NUP54: variants seen among roughly 807,000 people sequenced by gnomAD.
The protein encoded by NUP54 is nucleoporin 54.
In NUP54, 27 loss-of-function variants were observed where a neutral mutation model predicts 66.4. The observed-to-expected ratio is 0.41, with a 90% CI of 0.30 to 0.56. NUP54 has a LOEUF of 0.56. Among genes scored for constraint, NUP54 ranks in the 20% least tolerant of loss-of-function variants. The pLI is 0.34. For synonymous variants in NUP54, 206 were observed against 210.7 expected, an observed-to-expected ratio of 0.98 and a Z score of 0.19; for missense variants, 486 against 596.3, an observed-to-expected ratio of 0.82 and a Z score of 1.93.
chr4:76,139,183 T>C (rs950554629), intron 3 of NUP54, among the ~76,000 whole-genome samples: 1 of 152,132 alleles, frequency 6.6e-6, no homozygotes, highest in Admixed American at 6.5e-5. Context: ...ATTTTGCAAC[T>C]CCTAATAAGA....
rs1468304635 is a variant in NUP54 at position 76,124,168 on chromosome 4, T to A, written c.1164+481A>T. Among the ~76,000 whole-genome samples the A allele has an allele frequency of 2.6e-5, 4 of 152,214 alleles. No homozygotes were observed. The East Asian group carries it at 7.7e-4, about 29-fold the overall frequency. On this transcript the variant is annotated intron_variant, in intron 9 of 11. Coordinates refer to ENST00000264883, the MANE Select transcript of NUP54 (RefSeq NM_017426.4). Reference sequence around the variant, plus strand: ...TCCTCTGAGTACAGATTTTGCTGTTTCCCACTGGTTCTGGTATGTAATATT... The same window carrying A: ...TCCTCTGAGTACAGATTTTGCTGTTACCCACTGGTTCTGGTATGTAATATT...
chr4:76,124,276 G>A (rs1416957561), intron 9 of NUP54, among the ~76,000 whole-genome samples: 3 of 151,498 alleles, frequency 2.0e-5, no homozygotes, highest in East Asian at 1.9e-4. Context: ...ATTGTTTTTC[G>A]ACCATTATGG....
rs753401196 is a variant in NUP54 at position 76,148,292 on chromosome 4, TA to T, written c.67+15del. 11 of 1,472,508 alleles carry T rather than the reference TA, an allele frequency of 7.5e-6. No homozygotes were observed. In the African/African-American group the frequency reaches 1.6e-4, roughly 21 times the overall value. The allele number at this position is 1,472,508 out of a possible 1,614,324, so 91.2% of individuals were successfully genotyped here. On this transcript the variant is annotated intron_variant, in intron 1 of 11. Coordinates refer to ENST00000264883, the MANE Select transcript of NUP54 (RefSeq NM_017426.4). ...TTCCCCTTCTTCCCGGGTGAAGGTCTAGGGGGATCACTCACCCGCGGGGGCC... is the reference window on the plus strand; with the variant it reads ...TTCCCCTTCTTCCCGGGTGAAGGTCTGGGGGATCACTCACCCGCGGGGGCC...
intron 6 of NUP54, among the ~76,000 whole-genome samples, chr4:76,132,149 T>C (rs1334578006): frequency 2.6e-5 from 4 of 152,138 alleles, no homozygotes; most frequent in Non-Finnish European, 5.9e-5. Context: ...ATAGTCAATC[T>C]AGTTATGCCA....
rs1296087173 is a variant in NUP54, at chr4:76,115,234, A to T, written c.*132T>A. 1.3e-6 allele frequency: 1 copy of T among 744,610 alleles called. No individual in the cohort carries two copies. Among genetic ancestry groups the T allele is most frequent in the East Asian group, 3.2e-5 (1 of 31,582 alleles). The allele number at this position is 744,610 out of a possible 1,614,324, so 46.1% of individuals were successfully genotyped here. A position where few individuals can be genotyped will look rare whatever the true frequency, so the allele number is the denominator to read the frequency against. ...ATTTGATGAACAGTAATTTGTCAGT[A>T]AACTTCTCAAAAAACCAATCCAAGA... is the stretch of plus-strand genomic sequence containing the variant. On this transcript the variant is annotated 3_prime_UTR_variant, in exon 12 of 12. Coordinates refer to ENST00000264883, the MANE Select transcript of NUP54 (RefSeq NM_017426.4).
chr4:76,132,999 C>G (rs1560685716), intron 5 of NUP54, among the ~76,000 whole-genome samples: 1 of 150,766 alleles, frequency 6.6e-6, no homozygotes, highest in Non-Finnish European at 1.5e-5. Context: ...AGCTGCACAC[C>G]CGCTACGTTT....
At chr4:76,138,742 T>C (rs1731140379) in intron 3 of NUP54, among the ~76,000 whole-genome samples, 1 of 151,792 alleles carries the variant, frequency 6.6e-6, no homozygotes, top group African/African-American at 2.4e-5. Flanking sequence ...AGCCATGGGG[T>C]AGAGGTAAAG....
At chr4:76,125,522 C>T (rs982385015) in intron 8 of NUP54, among the ~76,000 whole-genome samples, 2 of 146,322 alleles carry the variant, frequency 1.4e-5, no homozygotes, top group Non-Finnish European at 3.0e-5. Context: ...GTAATCCCAG[C>T]TCCTTAGGAG....
At chr4:76,123,299 G>A (rs1223745509) in intron 9 of NUP54, among the ~76,000 whole-genome samples, 1 of 152,142 alleles carries the variant, frequency 6.6e-6, no homozygotes, top group Non-Finnish European at 1.5e-5. Context: ...CACTGGATTA[G>A]CTCTTTTGTG....
intron 9 of NUP54, among the ~76,000 whole-genome samples, chr4:76,122,120 G>C (rs777285301): frequency 5.9e-5 from 9 of 152,080 alleles, no homozygotes; most frequent in Non-Finnish European, 1.2e-4. Flanking sequence ...TTAATGTGTT[G>C]CTATAATAAG....
intron 11 of NUP54, among the ~76,000 whole-genome samples, chr4:76,115,956 TTTAA>T (rs1451022610): frequency 6.6e-6 from 1 of 152,202 alleles, no homozygotes; most frequent in African/African-American, 2.4e-5. Context: ...AAGGTGCTGT[TTTAA>T]CAGTACTGGT....
chr4:76,138,261 A>G (rs1359270190), intron 3 of NUP54, among the ~76,000 whole-genome samples: 2 of 152,160 alleles, frequency 1.3e-5, no homozygotes, highest in Non-Finnish European at 2.9e-5. Context: ...ATCTTCCTCA[A>G]CTTTTACATG....
At chr4:76,121,736 C>T (rs1730246597) in intron 9 of NUP54, among the ~76,000 whole-genome samples, 1 of 152,148 alleles carries the variant, frequency 6.6e-6, no homozygotes, top group African/African-American at 2.4e-5. Context: ...CCTATACTTT[C>T]CTCAGAAATA....
At chr4:76,142,331 T>C (rs1263857076) in intron 3 of NUP54, among the ~76,000 whole-genome samples, 1 of 152,260 alleles carries the variant, frequency 6.6e-6, no homozygotes, top group Non-Finnish European at 1.5e-5. Context: ...ATTATCTTCA[T>C]CCTACTGTTA....
intron 6 of NUP54, among the ~76,000 whole-genome samples, chr4:76,131,491 T>C (rs563491982): frequency 6.3e-4 from 95 of 151,952 alleles, no homozygotes; most frequent in Non-Finnish European, 9.9e-4. Context: ...CTATAACCTA[T>C]AGGATAATAG....
intron 9 of NUP54, among the ~76,000 whole-genome samples, chr4:76,123,038 G>A (rs1164845014): frequency 6.6e-6 from 1 of 152,206 alleles, no homozygotes; most frequent in Non-Finnish European, 1.5e-5. Flanking sequence ...GGTTGCATAG[G>A]ACTGACAGAT....
chr4:76,126,144 T>C (rs1330768876), intron 8 of NUP54, among the ~76,000 whole-genome samples: 1 of 152,086 alleles, frequency 6.6e-6, no homozygotes, highest in Non-Finnish European at 1.5e-5. Flanking sequence ...AAAGGAATGA[T>C]ATTAATTATG....
chr4:76,141,251 A>G (rs4604075), intron 3 of NUP54, among the ~76,000 whole-genome samples: 20,008 of 152,126 alleles, frequency 0.13, 1,542 homozygotes, highest in East Asian at 0.35. Flanking sequence ...TGGCTTGGGG[A>G]TAGGAGATGG....
chr4:76,118,663 T>C (rs959247626), intron 9 of NUP54, among the ~76,000 whole-genome samples: 2 of 149,306 alleles, frequency 1.3e-5, no homozygotes, highest in Non-Finnish European at 3.0e-5. Context: ...CCCAGAGTGC[T>C]GGGTTTACAG....
Sources: allele counts gnomAD v4.1 joint callset (sites outside exome capture counted in the v4.1 genomes callset), GRCh38; gene constraint gnomAD v4.1.1; transcripts MANE v1.5; gene names NCBI Gene and HGNC (gene_info 2026-07-23, HGNC 2026-07-21).